RNF213: variants seen among roughly 807,000 people sequenced by gnomAD.
RNF213 encodes the protein E3 ubiquitin-protein ligase RNF213.
Under a neutral mutation model 514.4 loss-of-function variants are expected in RNF213, and 341 were observed. That is an observed-to-expected ratio of 0.66 (90% CI 0.61 to 0.73). RNF213 has a LOEUF of 0.73. RNF213 is among the 30% of genes least tolerant of loss of function. The probability of loss-of-function intolerance (pLI) is 0.00; values close to 1 mark genes in which losing one functional copy is unlikely to be tolerated. For synonymous variants in RNF213, 2,655 were observed against 2,658.2 expected (o/e 1.00, Z 0.04); for missense variants, 5,767 against 6,615.6 (o/e 0.87, Z 4.45).
At position 80,347,836 on chromosome 17, in the gene RNF213, C is replaced by T; in HGVS notation, c.9501C>T (p.Asn3167=). ...VYKHFPIPLI[N]RLEKHYLDIN... is the part of the protein sequence containing the mutation. ...AACACTTTCCCATCCCCCTCATTAA[C>T]CGGCTGGAGAAGCACTATCTGGATA... is the stretch of plus-strand genomic sequence containing the variant. The change falls in exon 29 of 68, where the codon AAC becomes AAT. Residue 3167 remains asparagine, a synonymous_variant. Coordinates refer to ENST00000582970, the MANE Select transcript of RNF213 (RefSeq NM_001256071.3). The surrounding 1 kb of genome is among the most constrained non-coding windows in gnomAD (Gnocchi z 7.2). 6.2e-7 allele frequency: 1 copy of T among 1,614,082 alleles called. No individual in the cohort carries two copies. Among genetic ancestry groups the T allele is most frequent in the Non-Finnish European group, 8.5e-7 (1 of 1,180,008 alleles).
In RNF213 at chr17:80,318,735, A is replaced by G. The variant is rs547832363; in HGVS notation, c.2902-455A>G. Among the ~76,000 whole-genome samples, 108 of 151,660 alleles carry G rather than the reference A, an allele frequency of 7.1e-4. 1 individual carries two copies. Among genetic ancestry groups the G allele is most frequent in the Middle Eastern group, 3.4e-3 (1 of 292 alleles). On this transcript the variant is annotated intron_variant, in intron 16 of 67. Coordinates refer to ENST00000582970, the MANE Select transcript of RNF213 (RefSeq NM_001256071.3). ...ACTACAGGCGCCCGCCACCGCGCCC[A>G]GCTATATTTTTGTATTTTTTGTAGA...
At chr17:80,388,881 C>A (rs2080346911) in intron 64 of RNF213, 192 bp downstream of exon 64, 1 of 644,508 alleles carries the variant, frequency 1.6e-6, no homozygotes, top group South Asian at 1.7e-5. Context: ...AGATTGACAT[C>A]TTGTGGGTTT....
At chr17:80,295,150 T>C (rs1228880954) in intron 9 of RNF213, 147 bp downstream of exon 9, 3 of 969,986 alleles carry the variant, frequency 3.1e-6, no homozygotes, top group African/African-American at 1.6e-5. Flanking sequence ...CACTGTCTCT[T>C]GGGATTTCTC....
chr17:80,315,382 AGGTGAT>A lies in RNF213; in HGVS notation c.2812-1801_2812-1796del, dbSNP rs1414684691. Among the ~76,000 whole-genome samples, 2 of 2,524 alleles carry A rather than the reference AGGTGAT, an allele frequency of 7.9e-4. 1 individual carries two copies. The highest frequency in any genetic ancestry group is 7.6e-3 in the African/African-American group (2 of 262). The allele number at this position is 2,524 out of a possible 152,430, so 1.7% of individuals were successfully genotyped here. ...GTGGAGGTGATGGTGGAGGTAATGGAGGTGATGGTGGTGGTGGTGGTGGTACTGGAG... is the reference window on the plus strand; with the variant it reads ...GTGGAGGTGATGGTGGAGGTAATGGAGGTGGTGGTGGTGGTGGTACTGGAG... On this transcript the variant is annotated intron_variant, in intron 15 of 67. Coordinates refer to ENST00000582970, the MANE Select transcript of RNF213 (RefSeq NM_001256071.3).
chr17:80,289,890 C>G (rs923280637), intron 6 of RNF213, 53 bp downstream of exon 6: 2 of 1,525,054 alleles, frequency 1.3e-6, no homozygotes, highest in Admixed American at 3.8e-5. Context: ...GAGCCCGGCA[C>G]ACCCTCTCCC....
At chr17:80,298,901 C>T (rs1196486442) in intron 11 of RNF213, 1 of 287,780 alleles carries the variant, frequency 3.5e-6, no homozygotes, top group East Asian at 9.2e-5. Context: ...ATCACTAGAA[C>T]CCGGGAGGTG....
chr17:80,284,735 A>C (rs2044413127), intron 3 of RNF213, among the ~76,000 whole-genome samples: 1 of 152,048 alleles, frequency 6.6e-6, no homozygotes, highest in African/African-American at 2.4e-5. Flanking sequence ...GCCTCTCATC[A>C]GCTGTTTCCC....
chr17:80,376,187 G>C, intron 51 of RNF213, 114 bp from the exon 52 acceptor site: 1 of 1,302,982 alleles, frequency 7.7e-7, no homozygotes, highest in Non-Finnish European at 1.1e-6. Flanking sequence ...AAATGGTGGT[G>C]ATTTCTCCAT....
At chr17:80,329,020 G>T (rs562387745) in intron 20 of RNF213, among the ~76,000 whole-genome samples, 16 of 152,226 alleles carry the variant, frequency 1.1e-4, no homozygotes, top group African/African-American at 3.6e-4. Context: ...TAATTCCATC[G>T]CAATCTCTGC....
intron 31 of RNF213, 21 bp from the exon 32 acceptor site, chr17:80,351,664 C>A (rs1240825493): frequency 8.6e-7 from 1 of 1,166,218 alleles, no homozygotes; most frequent in Admixed American, 1.8e-5. Flanking sequence ...AATAGGTATT[C>A]TTTTTTTTTT....
intron 38 of RNF213, 29 bp from the exon 39 acceptor site, chr17:80,361,705 C>A: frequency 6.2e-7 from 1 of 1,610,754 alleles, no homozygotes; most frequent in East Asian, 2.2e-5. Context: ...AGACGCACTC[C>A]AGGCCGCTCC....
chr17:80,268,446 G>A (rs77993707), intron 2 of RNF213, among the ~76,000 whole-genome samples: 8,226 of 151,786 alleles, frequency 0.054, 801 homozygotes, highest in African/African-American at 0.19. Flanking sequence ...AAAGATGCAG[G>A]GGTGGGGATT....
chr17:80,371,067 C>T (rs904737926), intron 46 of RNF213, among the ~76,000 whole-genome samples: 1 of 151,868 alleles, frequency 6.6e-6, no homozygotes, highest in Non-Finnish European at 1.5e-5. Context: ...CCTGCACAGC[C>T]CAGTGAACCA....
chr17:80,282,178 T>G (rs920851658), intron 3 of RNF213, among the ~76,000 whole-genome samples: 12 of 152,136 alleles, frequency 7.9e-5, no homozygotes, highest in African/African-American at 2.9e-4. Context: ...GCACTTTAAT[T>G]CATCTCTAGA....
At chr17:80,383,642 C>T in intron 58 of RNF213, 35 bp from the exon 59 acceptor site, 1 of 1,612,708 alleles carries the variant, frequency 6.2e-7, no homozygotes, top group Non-Finnish European at 8.5e-7. Flanking sequence ...CAATACCTCA[C>T]TTCCAGAATT....
At chr17:80,322,513 T>C (rs1599022316) in intron 17 of RNF213, among the ~76,000 whole-genome samples, 1 of 151,760 alleles carries the variant, frequency 6.6e-6, no homozygotes. Context: ...GAGGTGGAGG[T>C]TGCAGTGAGC....
At position 80,368,433 on chromosome 17, in the gene RNF213, GTTTT is replaced by G. The variant is rs5822349; in HGVS notation, c.12155+304_12155+307del. Among the ~76,000 whole-genome samples the G allele has an allele frequency of 1.2e-4, 17 of 137,074 alleles. No individual in the cohort carries two copies. In the South Asian group the frequency reaches 3.3e-3, roughly 26 times the overall value. 89.9% of individuals were successfully genotyped at this position (137,074 alleles called of 152,430 possible). A position where few individuals can be genotyped will look rare whatever the true frequency, so the allele number is the denominator to read the frequency against. ...AGGCCCAAGGAATGTAGACGCCAGT[GTTTT>G]TTTTTTTTTTTTTGAGACAGTGTTT... is the stretch of plus-strand genomic sequence containing the variant. On this transcript the variant is annotated intron_variant, in intron 44 of 67. Transcript: ENST00000582970.
In RNF213 at chr17:80,294,985, G is replaced by T; in HGVS notation, c.1737G>T (p.Leu579Phe). The change falls in exon 9 of 68, where the codon TTG (leucine) becomes TTT (phenylalanine). Residue 579 changes from leucine to phenylalanine, a missense_variant. By Grantham distance (22) the Leu-to-Phe change is conservative. Coordinates refer to ENST00000582970, the MANE Select transcript of RNF213 (RefSeq NM_001256071.3). ...YEGQAQLWTDLQYREKEVKRY... is the reference protein window; with the variant it reads ...YEGQAQLWTDFQYREKEVKRY... Reference sequence around the variant, plus strand: ...GACAGGCACAGCTGTGGACCGATTTGCAGTACAGGGAGAAAGAGGTATCAG... The same window carrying T: ...GACAGGCACAGCTGTGGACCGATTTTCAGTACAGGGAGAAAGAGGTATCAG... 6.2e-7 allele frequency: 1 copy of T among 1,614,200 alleles called. No individual in the cohort carries two copies. The highest frequency in any genetic ancestry group is 8.5e-7 in the Non-Finnish European group (1 of 1,180,036).
intron 67 of RNF213, among the ~76,000 whole-genome samples, chr17:80,391,957 C>T (rs1211487905): frequency 4.0e-5 from 6 of 151,632 alleles, no homozygotes; most frequent in Non-Finnish European, 7.4e-5. Flanking sequence ...TTAGTAGAGA[C>T]GGGTTTCACC....
Sources: gnomAD v4.1 joint callset for allele counts (sites outside exome capture counted in the v4.1 genomes callset) on GRCh38, gnomAD v4.1.1 for gene constraint, Gnocchi (gnomAD v3.1) non-coding constraint, MANE v1.5 for transcripts, NCBI Gene and HGNC (gene_info 2026-07-23, HGNC 2026-07-21) for gene names.